The following PRKAG2 variants were observed in gnomAD, a reference collection of about 807,000 sequenced individuals.
The protein encoded by PRKAG2 is protein kinase AMP-activated non-catalytic subunit gamma 2, also known as 5'-AMP-activated protein kinase subunit gamma-2.
A neutral mutation model predicts 69.6 loss-of-function variants in PRKAG2; 26 were observed. The observed-to-expected ratio is 0.37, with a 90% CI of 0.27 to 0.52. PRKAG2 has a LOEUF of 0.52. Among genes scored for constraint, PRKAG2 ranks in the 20% least tolerant of loss-of-function variants. The pLI is 0.90. For synonymous variants in PRKAG2, 293 were observed against 285.0 expected (o/e 1.03, Z -0.28); for missense variants, 557 against 740.0 (o/e 0.75, Z 2.87).
intron 15 of PRKAG2, chr7:151,558,837 A>T (rs4725410): frequency 0.63 from 621,099 of 985,094 alleles, 200,721 homozygotes; most frequent in East Asian, 0.71. Context: ...GAAATACCAA[A>T]TCTGGATGGA....
chr7:151,763,533 C>G (rs146520259), intron 3 of PRKAG2, among the ~76,000 whole-genome samples: 1 of 152,224 alleles, frequency 6.6e-6, no homozygotes, highest in African/African-American at 2.4e-5. Flanking sequence ...GAAGGAAGTT[C>G]GCTGGCTCCT....
chr7:151,708,972 A>T (rs7786603), intron 3 of PRKAG2, among the ~76,000 whole-genome samples: 6,548 of 152,222 alleles, frequency 0.043, 258 homozygotes, highest in East Asian at 0.12. Flanking sequence ...CTGTGAGAAT[A>T]CCAGAAGCAG....
chr7:151,559,137 T>C (rs893838955), intron 15 of PRKAG2: 2 of 985,258 alleles, frequency 2.0e-6, no homozygotes, highest in East Asian at 2.3e-4. Context: ...TGCCTGGAAA[T>C]TTATATGAAT....
chr7:151,717,289 T>C (rs981180512), intron 3 of PRKAG2, among the ~76,000 whole-genome samples: 42 of 149,504 alleles, frequency 2.8e-4, no homozygotes, highest in Non-Finnish European at 1.2e-4. Flanking sequence ...GTTGCCTTCA[T>C]AAAGCTGTAA....
At chr7:151,629,424 G>A (rs2151311663) in intron 5 of PRKAG2, among the ~76,000 whole-genome samples, 1 of 152,260 alleles carries the variant, frequency 6.6e-6, no homozygotes, top group African/African-American at 2.4e-5. Flanking sequence ...AGAGAAGTCT[G>A]CACCTGTCGG....
chr7:151,725,777 C>T (rs1797840566), intron 3 of PRKAG2, among the ~76,000 whole-genome samples: 1 of 152,156 alleles, frequency 6.6e-6, no homozygotes, highest in Non-Finnish European at 1.5e-5. Context: ...TGCACAGGGG[C>T]TGGTCTGCAC....
At position 151,737,990 on chromosome 7, in the gene PRKAG2, C is replaced by T. The variant is rs1409839871; in HGVS notation, c.466+43162G>A. ...GAGATGCCCAGATCTGCCACTCCCA[C>T]GGGGCCTCCATCCACAGAAGCCAGA... On this transcript the variant is annotated intron_variant, in intron 3 of 15. Transcript: ENST00000287878. Among the ~76,000 whole-genome samples, 2 of 71,718 alleles carry T rather than the reference C, an allele frequency of 2.8e-5. 1 individual carries two copies. The highest frequency in any genetic ancestry group is 1.1e-3 in the East Asian group (2 of 1,768). The allele number at this position is 71,718 out of a possible 152,430, so 47.0% of individuals were successfully genotyped here.
At chr7:151,653,385 G>C (rs992936259) in intron 4 of PRKAG2, among the ~76,000 whole-genome samples, 20 of 152,112 alleles carry the variant, frequency 1.3e-4, no homozygotes, top group African/African-American at 4.3e-4. Flanking sequence ...GAAAAAATTT[G>C]TCCTTATGAG....
intron 3 of PRKAG2, among the ~76,000 whole-genome samples, chr7:151,726,103 A>G (rs548225104): frequency 6.6e-6 from 1 of 152,196 alleles, no homozygotes; most frequent in East Asian, 1.9e-4. Flanking sequence ...CCCACCTGCT[A>G]TCTTCATGGT....
intron 4 of PRKAG2, among the ~76,000 whole-genome samples, chr7:151,667,085 G>A (rs1387643534): frequency 6.6e-6 from 1 of 152,158 alleles, no homozygotes; most frequent in Non-Finnish European, 1.5e-5. Flanking sequence ...TGACTGGCTG[G>A]TGTCAGAGTA....
At chr7:151,566,451 A>G (rs1806278614) in intron 11 of PRKAG2, 2 of 312,224 alleles carry the variant, frequency 6.4e-6, no homozygotes, top group Non-Finnish European at 6.4e-6. Context: ...ACAGAATTAA[A>G]AGAATCTTTA....
At chr7:151,727,631 G>T (rs1199139972) in intron 3 of PRKAG2, among the ~76,000 whole-genome samples, 1 of 152,144 alleles carries the variant, frequency 6.6e-6, no homozygotes, top group African/African-American at 2.4e-5. Context: ...GCTGCTCAGA[G>T]GTCACTCCAG....
intron 3 of PRKAG2, among the ~76,000 whole-genome samples, chr7:151,773,046 A>AAAGG (rs2076135526): frequency 2.7e-5 from 1 of 36,586 alleles, no homozygotes; most frequent in Admixed American, 2.8e-4. Context: ...AGAGAGAGAG[A>AAAGG]GAGAGAGGGA....
At chr7:151,787,650 G>A (rs1403931834) in intron 1 of PRKAG2, among the ~76,000 whole-genome samples, 2 of 152,124 alleles carry the variant, frequency 1.3e-5, no homozygotes. Flanking sequence ...TGTGAATAAC[G>A]CTGCTATGAG....
intron 1 of PRKAG2, among the ~76,000 whole-genome samples, chr7:151,862,612 T>C (rs1415720506): frequency 3.9e-5 from 6 of 152,190 alleles, no homozygotes; most frequent in Non-Finnish European, 8.8e-5. Flanking sequence ...CATGACAAAG[T>C]GTAGACGCAT....
At chr7:151,855,345 CAT>C (rs1437236805) in intron 1 of PRKAG2, among the ~76,000 whole-genome samples, 2 of 73,126 alleles carry the variant, frequency 2.7e-5, no homozygotes, top group Non-Finnish European at 5.2e-5. Flanking sequence ...CCACACACAC[CAT>C]GCTCCACACA....
intron 13 of PRKAG2, among the ~76,000 whole-genome samples, chr7:151,564,821 C>T (rs1337792635): frequency 1.3e-5 from 2 of 151,994 alleles, no homozygotes; most frequent in Admixed American, 1.3e-4. Flanking sequence ...TTATGTTTAA[C>T]ATAATAGTGT....
rs77976038 is a variant in PRKAG2, at chr7:151,570,362, C to T, written c.1052-137G>A. On this transcript the variant is annotated intron_variant, in intron 9 of 15. Coordinates refer to ENST00000287878, the MANE Select transcript of PRKAG2 (RefSeq NM_016203.4). ...TCAAATAAAAAGAAATTTAATTTGC[C>T]TAAAACTCCTGTGTTAATCATAGTT... The T allele has an allele frequency of 2.3e-3, 2,229 of 957,180 alleles. 22 individuals carry two copies. The African/African-American group carries it at 0.03, about 13-fold the overall frequency. 59.3% of individuals were successfully genotyped at this position (957,180 alleles called of 1,614,324 possible).
At chr7:151,870,186 C>T (rs1053364871) in intron 1 of PRKAG2, among the ~76,000 whole-genome samples, 14 of 151,760 alleles carry the variant, frequency 9.2e-5, no homozygotes, top group Non-Finnish European at 1.8e-4. Context: ...GGCAGGCAGG[C>T]AGGCAGGCAG....
Sources: gnomAD v4.1 joint callset for allele counts (sites outside exome capture counted in the v4.1 genomes callset) on GRCh38, gnomAD v4.1.1 for gene constraint, MANE v1.5 for transcripts, NCBI Gene and HGNC (gene_info 2026-07-23, HGNC 2026-07-21) for gene names.